ADAMTS20: variants seen among roughly 807,000 people sequenced by gnomAD.
ADAMTS20 encodes ADAM metallopeptidase with thrombospondin type 1 motif 20, also known as A disintegrin and metalloproteinase with thrombospondin motifs 20.
ADAMTS20 carries 225 observed loss-of-function variants against 260.1 expected under a neutral mutation model. That is an observed-to-expected ratio of 0.87 (90% CI 0.78 to 0.97). The LOEUF (loss-of-function observed/expected upper bound fraction) is 0.97, where lower values mean the gene tolerates loss of function less well. Ranked by LOEUF, ADAMTS20 falls within the 50% of genes least tolerant of loss-of-function variation. The probability of loss-of-function intolerance (pLI) is 0.00; values close to 1 mark genes in which losing one functional copy is unlikely to be tolerated. For synonymous variants in ADAMTS20, 802 were observed against 769.5 expected, an observed-to-expected ratio of 1.04 and a Z score of -0.70; for missense variants, 2,400 against 2,337.7, an observed-to-expected ratio of 1.03 and a Z score of -0.55.
At chr12:43,410,029 C>T (rs1422116150) in intron 28 of ADAMTS20, among the ~76,000 whole-genome samples, 1 of 152,098 alleles carries the variant, frequency 6.6e-6, no homozygotes, top group African/African-American at 2.4e-5. Flanking sequence ...AATTTTATAG[C>T]TAGTCAATTA....
chr12:43,542,832 G>A (rs1233170542), intron 2 of ADAMTS20, among the ~76,000 whole-genome samples: 4 of 152,140 alleles, frequency 2.6e-5, no homozygotes, highest in African/African-American at 7.2e-5. Context: ...AGCCTTTGAT[G>A]GAGTTCATTG....
At chr12:43,483,794 G>A (rs533607904) in intron 7 of ADAMTS20, among the ~76,000 whole-genome samples, 80 of 152,200 alleles carry the variant, frequency 5.3e-4, no homozygotes, top group African/African-American at 1.9e-3. Flanking sequence ...CCAACACTGG[G>A]GTATTGCATT....
intron 3 of ADAMTS20, among the ~76,000 whole-genome samples, chr12:43,513,245 T>C (rs1014040990): frequency 5.3e-5 from 8 of 152,158 alleles, no homozygotes; most frequent in African/African-American, 1.9e-4. Flanking sequence ...TGGAGCACAC[T>C]GGTCAAGCGT....
At chr12:43,412,379 A>T (rs556133330) in intron 28 of ADAMTS20, among the ~76,000 whole-genome samples, 1 of 152,350 alleles carries the variant, frequency 6.6e-6, no homozygotes, top group East Asian at 1.9e-4. Context: ...CACAACAAAG[A>T]CCTTTTAAAT....
At chr12:43,385,516 C>A (rs969096070) in intron 29 of ADAMTS20, among the ~76,000 whole-genome samples, 2 of 152,170 alleles carry the variant, frequency 1.3e-5, no homozygotes, top group Non-Finnish European at 2.9e-5. Flanking sequence ...GTCATGAAGT[C>A]TTTGCCCATG....
In ADAMTS20 at chr12:43,405,530, G is replaced by A. The variant is rs865805963; in HGVS notation, c.4285-6297C>T. On this transcript the variant is annotated intron_variant, in intron 28 of 38. Coordinates refer to ENST00000389420, the MANE Select transcript of ADAMTS20 (RefSeq NM_025003.5). ...ATATGCTTTTTCAAAAACCATTTTG[G>A]GAATGGTTAAAAATTATGAAACTTA... Among the ~76,000 whole-genome samples the A allele has an allele frequency of 2.9e-4, 43 of 150,692 alleles. 1 individual carries two copies. The Middle Eastern group carries it at 0.017, about 60-fold the overall frequency.
rs1193071583 is a variant in ADAMTS20, at chr12:43,369,377, C to T, written c.5451G>A (p.Thr1817=). The T allele has an allele frequency of 1.7e-5, 25 of 1,506,016 alleles. No homozygotes were observed. The Middle Eastern group carries it at 6.9e-4, about 42-fold the overall frequency. The allele number at this position is 1,506,016 out of a possible 1,614,324, so 93.3% of individuals were successfully genotyped here. A position where few individuals can be genotyped will look rare whatever the true frequency, so the allele number is the denominator to read the frequency against. The stretch of plus-strand genomic sequence containing the variant: ...ATATTGTTTTGGAAAAAAGAAGGTC[C>T]GTAGCTAGAAAATAATAAATAAAAC... The part of the protein sequence containing the change: ...IDLTSMQIKT[T]DLLFSKTIFG... Residue 1817 remains threonine (T), a synonymous_variant, in exon 37 of 39, where the codon ACG becomes ACA. Coordinates refer to ENST00000389420, the MANE Select transcript of ADAMTS20 (RefSeq NM_025003.5).
intron 4 of ADAMTS20, among the ~76,000 whole-genome samples, chr12:43,493,610 T>C (rs1354069039): frequency 6.6e-6 from 1 of 152,186 alleles, no homozygotes; most frequent in South Asian, 2.1e-4. Context: ...TTTAACAAGA[T>C]GTCAAGTGAT....
At chr12:43,454,253 T>C (rs983739485) in intron 11 of ADAMTS20, among the ~76,000 whole-genome samples, 2 of 152,218 alleles carry the variant, frequency 1.3e-5, no homozygotes, top group Non-Finnish European at 2.9e-5. Flanking sequence ...AGGAGTGTAA[T>C]ATTTCTTCTG....
At chr12:43,403,671 A>G (rs1334803595) in intron 28 of ADAMTS20, among the ~76,000 whole-genome samples, 2 of 152,140 alleles carry the variant, frequency 1.3e-5, no homozygotes, top group Non-Finnish European at 2.9e-5. Context: ...AGAAAACTCT[A>G]AAGACATCTG....
At chr12:43,371,954 T>C (rs1940117951) in intron 36 of ADAMTS20, among the ~76,000 whole-genome samples, 1 of 152,176 alleles carries the variant, frequency 6.6e-6, no homozygotes, top group African/African-American at 2.4e-5. Context: ...AAGTAGAATA[T>C]TATTGGTGGC....
intron 3 of ADAMTS20, among the ~76,000 whole-genome samples, chr12:43,518,817 GAAAA>G (rs34834714): frequency 8.9e-6 from 1 of 111,990 alleles, no homozygotes; most frequent in African/African-American, 3.4e-5. Flanking sequence ...ACTGGCTCAG[GAAAA>G]AAAAAAAAAA....
chr12:43,374,430 T>G lies in ADAMTS20; in HGVS notation c.5446+949A>C, dbSNP rs147388873. On this transcript the variant is annotated intron_variant, in intron 36 of 38. Coordinates refer to ENST00000389420, the MANE Select transcript of ADAMTS20 (RefSeq NM_025003.5). The stretch of plus-strand genomic sequence containing the variant: ...TGCCTCTTCATGTAGATATGTAACT[T>G]TCTGGACAGCAGCCTGCATTTGCCA... 9.9e-4 allele frequency among the ~76,000 whole-genome samples: 151 copies of G among 152,306 alleles called. 2 individuals carry two copies. Among genetic ancestry groups the G allele is most frequent in the African/African-American group, 3.5e-3 (145 of 41,572 alleles).
At chr12:43,518,817 GAAAAAAAA>G (rs34834714) in intron 3 of ADAMTS20, among the ~76,000 whole-genome samples, 2 of 111,996 alleles carry the variant, frequency 1.8e-5, no homozygotes, top group East Asian at 5.0e-4. Context: ...ACTGGCTCAG[GAAAAAAAA>G]AAAAAAAAAA....
intron 37 of ADAMTS20, among the ~76,000 whole-genome samples, chr12:43,358,443 T>C (rs1848626597): frequency 1.3e-5 from 2 of 152,118 alleles, no homozygotes; most frequent in Admixed American, 1.3e-4. Context: ...ATCTCACTCA[T>C]TTGTTCAAAA....
intron 3 of ADAMTS20, among the ~76,000 whole-genome samples, chr12:43,508,261 A>T (rs1406566984): frequency 2.0e-5 from 3 of 152,238 alleles, no homozygotes; most frequent in Non-Finnish European, 4.4e-5. Flanking sequence ...ATAAATTTTT[A>T]AAGAATATTA....
chr12:43,529,616 G>A (rs1943193303), intron 3 of ADAMTS20, among the ~76,000 whole-genome samples: 2 of 152,056 alleles, frequency 1.3e-5, no homozygotes, highest in South Asian at 4.1e-4. Flanking sequence ...GTATGCAAAG[G>A]CATACCGAGT....
intron 4 of ADAMTS20, among the ~76,000 whole-genome samples, chr12:43,499,059 C>T (rs12099977): frequency 0.2 from 30,251 of 152,066 alleles, 3,370 homozygotes; most frequent in Middle Eastern, 0.31. Flanking sequence ...GCTTAGAAGT[C>T]ATCTGAAATT....
At chr12:43,520,605 T>C (rs1943057818) in intron 3 of ADAMTS20, among the ~76,000 whole-genome samples, 1 of 152,160 alleles carries the variant, frequency 6.6e-6, no homozygotes, top group African/African-American at 2.4e-5. Flanking sequence ...TTTTAGCAAG[T>C]AGAAGGTCAT....
Sources: gnomAD v4.1 joint callset for allele counts (sites outside exome capture counted in the v4.1 genomes callset) on GRCh38, gnomAD v4.1.1 for gene constraint, MANE v1.5 for transcripts, NCBI Gene and HGNC (gene_info 2026-07-23, HGNC 2026-07-21) for gene names.